Variants in MDGA2 observed in about 807,000 individuals in gnomAD.
MDGA2 encodes MAM domain containing glycosylphosphatidylinositol anchor 2.
In MDGA2, 40 loss-of-function variants were observed where a neutral mutation model predicts 117.8. That is an observed-to-expected ratio of 0.34 (90% CI 0.26 to 0.44). The LOEUF (loss-of-function observed/expected upper bound fraction) is 0.44. MDGA2 is among the 20% of genes least tolerant of loss of function. The pLI is 1.00. For synonymous variants in MDGA2, 452 were observed against 439.0 expected, an observed-to-expected ratio of 1.03 and a Z score of -0.37; for missense variants, 1,123 against 1,250.6, an observed-to-expected ratio of 0.90 and a Z score of 1.54.
chr14:47,091,788 T>C (rs1317640056), intron 6 of MDGA2, among the ~76,000 whole-genome samples: 1 of 152,100 alleles, frequency 6.6e-6, no homozygotes, highest in African/African-American at 2.4e-5. Flanking sequence ...CTCCCATGTA[T>C]GCCCATTCAA....
At chr14:47,191,761 C>T (rs1885120741) in intron 3 of MDGA2, among the ~76,000 whole-genome samples, 1 of 152,106 alleles carries the variant, frequency 6.6e-6, no homozygotes, top group Admixed American at 6.5e-5. Flanking sequence ...AATAATAAAT[C>T]TCCTGATGTA....
chr14:47,399,212 C>G (rs544910740), intron 1 of MDGA2, among the ~76,000 whole-genome samples: 14 of 152,126 alleles, frequency 9.2e-5, no homozygotes, highest in African/African-American at 3.1e-4. Flanking sequence ...AAGAAGGAAG[C>G]ATCCATCTTA....
chr14:47,430,002 T>C (rs897746318), intron 1 of MDGA2, among the ~76,000 whole-genome samples: 1 of 144,480 alleles, frequency 6.9e-6, no homozygotes, highest in Middle Eastern at 3.5e-3. Flanking sequence ...GTCCCTGAGG[T>C]GGGAAAGAGA....
At chr14:47,200,674 C>G in intron 3 of MDGA2, 1 of 1,084,508 alleles carries the variant, frequency 9.2e-7, no homozygotes, top group Non-Finnish European at 1.4e-6. Context: ...AGAGCTGTTT[C>G]TTCTTCCAGT....
At chr14:46,885,859 T>C (rs1882652983) in intron 10 of MDGA2, among the ~76,000 whole-genome samples, 1 of 152,130 alleles carries the variant, frequency 6.6e-6, no homozygotes, top group African/African-American at 2.4e-5. Context: ...GTGCGTCACA[T>C]CTGAAGGACT....
At chr14:47,017,513 A>C (rs111859527) in intron 8 of MDGA2, among the ~76,000 whole-genome samples, 20 of 152,190 alleles carry the variant, frequency 1.3e-4, no homozygotes, top group African/African-American at 3.8e-4. Context: ...ACAAAGTATG[A>C]CACAGTCTGA....
At chr14:47,339,138 T>A (rs1410643216) in intron 1 of MDGA2, among the ~76,000 whole-genome samples, 1 of 152,090 alleles carries the variant, frequency 6.6e-6, no homozygotes, top group Admixed American at 6.6e-5. Context: ...TTTATAATCA[T>A]ATACTCTTCA....
At chr14:47,016,918 T>C (rs1359368043) in intron 8 of MDGA2, among the ~76,000 whole-genome samples, 1 of 151,358 alleles carries the variant, frequency 6.6e-6, no homozygotes, top group East Asian at 1.9e-4. Context: ...TATTTTTATA[T>C]CTCTTATTCG....
At chr14:47,423,551 C>T (rs904627026) in intron 1 of MDGA2, among the ~76,000 whole-genome samples, 3 of 101,244 alleles carry the variant, frequency 3.0e-5, no homozygotes, top group African/African-American at 1.2e-4. Context: ...CCCCTATCCC[C>T]ACGCCTGTGT....
At chr14:47,555,814 T>C (rs1895671545) in intron 1 of MDGA2, among the ~76,000 whole-genome samples, 2 of 152,140 alleles carry the variant, frequency 1.3e-5, no homozygotes, top group African/African-American at 2.4e-5. Flanking sequence ...TTGGTAATTA[T>C]TTTTTCCACA....
At chr14:47,264,906 A>G (rs1042480690) in intron 2 of MDGA2, among the ~76,000 whole-genome samples, 4 of 151,704 alleles carry the variant, frequency 2.6e-5, no homozygotes, top group African/African-American at 7.3e-5. Context: ...TCCCTGTGTC[A>G]GTGTTTTCTC....
intron 6 of MDGA2, among the ~76,000 whole-genome samples, chr14:47,079,741 T>TTTTTTTC (rs1890634088): frequency 7.5e-6 from 1 of 132,572 alleles, no homozygotes; most frequent in African/African-American, 3.0e-5. Flanking sequence ...TTTTTTTTTT[T>TTTTTTTC]TTTTTTTTGA....
intron 1 of MDGA2, among the ~76,000 whole-genome samples, chr14:47,525,969 G>T (rs1043201379): frequency 6.6e-6 from 1 of 151,870 alleles, no homozygotes. Flanking sequence ...CATTTTCTAG[G>T]CATTTCCTTC....
At chr14:47,584,989 G>T (rs1896298411) in intron 1 of MDGA2, among the ~76,000 whole-genome samples, 1 of 151,696 alleles carries the variant, frequency 6.6e-6, no homozygotes, top group South Asian at 2.1e-4. Context: ...CCCCATTCAA[G>T]CAAAACTTTA....
rs1257925832 is a variant in MDGA2 at position 47,218,020 on chromosome 14, C to G, written c.595+1G>C. 1 of 1,517,128 alleles carries G rather than the reference C, an allele frequency of 6.6e-7. No homozygotes were observed. The highest frequency in any genetic ancestry group is 1.4e-5 in the African/African-American group (1 of 71,352). The allele number at this position is 1,517,128 out of a possible 1,614,324, so 94.0% of individuals were successfully genotyped here. ...TATAGTTTTCTGGAAAATTTACTTA[C>G]AGTATACATCCACTCTGATTGACTT... On this transcript the variant is annotated splice_donor_variant, in intron 3 of 16. Transcript: ENST00000399232. LOFTEE classifies it high-confidence loss of function.
chr14:47,494,032 T>A (rs919596853), intron 1 of MDGA2, among the ~76,000 whole-genome samples: 2 of 152,144 alleles, frequency 1.3e-5, no homozygotes, highest in African/African-American at 4.8e-5. Flanking sequence ...TGAGTTATCA[T>A]GAGATCTGAT....
chr14:47,093,211 T>A (rs1423836355), intron 6 of MDGA2, among the ~76,000 whole-genome samples: 1 of 152,030 alleles, frequency 6.6e-6, no homozygotes, highest in African/African-American at 2.4e-5. Flanking sequence ...TTGCATTAAA[T>A]CAGGTTTAGA....
intron 1 of MDGA2, among the ~76,000 whole-genome samples, chr14:47,349,778 A>G (rs1448934916): frequency 6.6e-6 from 1 of 152,214 alleles, no homozygotes; most frequent in Non-Finnish European, 1.5e-5. Flanking sequence ...CTGAGCTGCA[A>G]ATTAACTGCT....
chr14:47,618,906 A>G (rs1896995602), intron 1 of MDGA2, among the ~76,000 whole-genome samples: 1 of 152,074 alleles, frequency 6.6e-6, no homozygotes, highest in African/African-American at 2.4e-5. Context: ...CCACACATAC[A>G]AGGCACACTG....
Sources: allele counts gnomAD v4.1 joint callset (sites outside exome capture counted in the v4.1 genomes callset), GRCh38; gene constraint gnomAD v4.1.1; transcripts MANE v1.5; gene names NCBI Gene and HGNC (gene_info 2026-07-23, HGNC 2026-07-21).